TLN2: variants seen among roughly 807,000 people sequenced by gnomAD.
TLN2 encodes talin 2, also known as talin-2.
In TLN2, 118 loss-of-function variants were observed where a neutral mutation model predicts 294.7. The ratio of observed to expected loss-of-function variants is 0.40; its 90% confidence interval spans 0.34 to 0.47. TLN2 has a LOEUF of 0.47. Ranked by LOEUF, TLN2 falls within the 20% of genes least tolerant of loss-of-function variation. The pLI, the probability that TLN2 is intolerant of heterozygous loss-of-function variation, is 0.84. For missense variants in TLN2, 3,083 were observed against 3,282.2 expected (o/e 0.94, Z 1.48); for synonymous variants, 1,431 against 1,304.5 (o/e 1.10, Z -2.09).
At chr15:62,626,055 C>G (rs1466197595) in intron 3 of TLN2, among the ~76,000 whole-genome samples, 2 of 152,192 alleles carry the variant, frequency 1.3e-5, no homozygotes, top group Non-Finnish European at 2.9e-5. Flanking sequence ...CCCTTGACTT[C>G]CAGCCATTCA....
intron 1 of TLN2, among the ~76,000 whole-genome samples, chr15:62,418,563 A>T (rs1247303277): frequency 6.6e-6 from 1 of 152,232 alleles, no homozygotes; most frequent in Non-Finnish European, 1.5e-5. Context: ...ACGTGTCCGT[A>T]TGAAGAGAAC....
intron 7 of TLN2, among the ~76,000 whole-genome samples, chr15:62,654,418 A>G (rs754789722): frequency 9.2e-5 from 14 of 152,158 alleles, no homozygotes; most frequent in Admixed American, 2.6e-4. Flanking sequence ...ACATCCATCA[A>G]TGACCATTGC....
intron 2 of TLN2, among the ~76,000 whole-genome samples, chr15:62,597,082 C>A (rs1017624474): frequency 5.3e-5 from 8 of 152,164 alleles, no homozygotes; most frequent in African/African-American, 1.7e-4. Flanking sequence ...CTGATTCTTG[C>A]TTTCAGTCCT....
intron 1 of TLN2, among the ~76,000 whole-genome samples, chr15:62,547,857 A>G (rs2042079683): frequency 6.6e-6 from 1 of 151,954 alleles, no homozygotes; most frequent in African/African-American, 2.4e-5. Flanking sequence ...ATGTTGGAAT[A>G]TGTTGCCTCT....
At chr15:62,458,318 C>G (rs1481321420) in intron 1 of TLN2, among the ~76,000 whole-genome samples, 2 of 152,134 alleles carry the variant, frequency 1.3e-5, no homozygotes, top group Non-Finnish European at 2.9e-5. Context: ...TCCCTGATTC[C>G]TTGAGATGGG....
chr15:62,510,774 G>A (rs948487366), intron 1 of TLN2, among the ~76,000 whole-genome samples: 2 of 152,208 alleles, frequency 1.3e-5, no homozygotes. Context: ...GTGCCTCCAG[G>A]TCCTTGGAAT....
At chr15:62,632,623 C>G (rs2050017065) in intron 3 of TLN2, among the ~76,000 whole-genome samples, 2 of 152,204 alleles carry the variant, frequency 1.3e-5, no homozygotes, top group South Asian at 4.1e-4. Context: ...CAGCCTTATT[C>G]CATCTTGTTT....
chr15:62,424,138 G>T (rs2034570282), intron 1 of TLN2, among the ~76,000 whole-genome samples: 1 of 152,258 alleles, frequency 6.6e-6, no homozygotes. Flanking sequence ...GATAATAATA[G>T]TAACTACCTC....
intron 1 of TLN2, among the ~76,000 whole-genome samples, chr15:62,433,845 C>T (rs1185812644): frequency 1.7e-5 from 2 of 117,840 alleles, no homozygotes; most frequent in African/African-American, 5.6e-5. Context: ...AAAAATTAGC[C>T]AGGAGTGATG....
chr15:62,814,367 G>A (rs997566312), intron 52 of TLN2, among the ~76,000 whole-genome samples: 1 of 152,068 alleles, frequency 6.6e-6, no homozygotes, highest in Non-Finnish European at 1.5e-5. Context: ...TATAAGCTAA[G>A]CACATAATGG....
chr15:62,537,605 T>C (rs2041435837), intron 1 of TLN2, among the ~76,000 whole-genome samples: 1 of 152,218 alleles, frequency 6.6e-6, no homozygotes, highest in South Asian at 2.1e-4. Context: ...ATTTACTTGC[T>C]TAGTCCCTCA....
At chr15:62,647,219 TCCCCA>T in intron 3 of TLN2, 51 bp from the exon 4 acceptor site, 1 of 1,481,952 alleles carries the variant, frequency 6.7e-7, no homozygotes, top group African/African-American at 1.4e-5. Context: ...TGTTTTTTTT[TCCCCA>T]AGACAAATTA....
At chr15:62,805,858 A>G in intron 51 of TLN2, 73 bp downstream of exon 51, 2 of 1,511,228 alleles carry the variant, frequency 1.3e-6, no homozygotes, top group Non-Finnish European at 1.8e-6. Context: ...TGTAGTCTGA[A>G]AAAGGGGAGG....
Position 62,796,313 on chromosome 15 carries a change from G to A in TLN2, c.6050+20G>A, listed in dbSNP as rs376474432. On this transcript the variant is annotated intron_variant, in intron 47 of 58. Transcript: ENST00000636159. ...CCACAGGTACGTGGGGGTCCTGGAC[G>A]GGGAGAGGTTCAGGCTGGCCTGCCC... is the stretch of plus-strand genomic sequence containing the variant. 35 of 1,604,178 alleles carry A rather than the reference G, an allele frequency of 2.2e-5. No individual in the cohort carries two copies. The highest frequency in any genetic ancestry group is 1.7e-4 in the Admixed American group (10 of 58,804).
At position 62,701,171 on chromosome 15, in the gene TLN2, T is replaced by C; in HGVS notation, c.1653T>C (p.Asp551=). Residue 551 remains aspartate, a synonymous_variant, in exon 17 of 59, where the codon GAT becomes GAC. Coordinates refer to ENST00000636159, the MANE Select transcript of TLN2 (RefSeq NM_015059.3). ...AACACGAAATCCATTCTCAAGTTGA[T>C]GCTATCACGGCCGGAACGGCTTCAG... ...ESKHEIHSQV[D]AITAGTASVV... 1 of 1,614,112 alleles carries C rather than the reference T, an allele frequency of 6.2e-7. No individual in the cohort carries two copies. The highest frequency in any genetic ancestry group is 8.5e-7 in the Non-Finnish European group (1 of 1,180,030).
At chr15:62,393,741 A>G (rs185359026) in intron 1 of TLN2, among the ~76,000 whole-genome samples, 7 of 152,292 alleles carry the variant, frequency 4.6e-5, no homozygotes, top group East Asian at 1.9e-4. Flanking sequence ...CTTTATTGCA[A>G]ACCCTCCAAT....
At chr15:62,491,869 C>A (rs1473099242) in intron 1 of TLN2, among the ~76,000 whole-genome samples, 1 of 152,084 alleles carries the variant, frequency 6.6e-6, no homozygotes, top group Non-Finnish European at 1.5e-5. Flanking sequence ...ATGATGTTTT[C>A]TGTGGTCTTG....
intron 25 of TLN2, 139 bp downstream of exon 25, chr15:62,720,019 C>A: frequency 1.8e-6 from 1 of 563,978 alleles, no homozygotes; most frequent in Non-Finnish European, 2.8e-6. Context: ...CTCTTCTTTA[C>A]CTTTCCAGTT....
At chr15:62,626,478 C>G (rs1254570523) in intron 3 of TLN2, among the ~76,000 whole-genome samples, 2 of 152,214 alleles carry the variant, frequency 1.3e-5, no homozygotes, top group African/African-American at 4.8e-5. Context: ...AATGAATTAA[C>G]ATGCTCACTA....
Sources: allele counts gnomAD v4.1 joint callset (sites outside exome capture counted in the v4.1 genomes callset), GRCh38; gene constraint gnomAD v4.1.1; transcripts MANE v1.5; gene names NCBI Gene and HGNC (gene_info 2026-07-23, HGNC 2026-07-21).